Variants in GRM7 observed in about 807,000 individuals in gnomAD.
GRM7 encodes glutamate metabotropic receptor 7, also known as metabotropic glutamate receptor 7.
A neutral mutation model predicts 84.5 loss-of-function variants in GRM7; 35 were observed. That is an observed-to-expected ratio of 0.41 (90% confidence interval 0.32 to 0.55). The LOEUF (loss-of-function observed/expected upper bound fraction) is 0.55, where lower values mean the gene tolerates loss of function less well. GRM7 is among the 20% of genes least tolerant of loss of function. The pLI, the probability that GRM7 is intolerant of heterozygous loss-of-function variation, is 0.19. For missense variants in GRM7, 1,003 were observed against 1,194.6 expected (o/e 0.84, Z 2.36); for synonymous variants, 487 against 455.1 (o/e 1.07, Z -0.89).
intron 1 of GRM7, among the ~76,000 whole-genome samples, chr3:7,124,477 A>G (rs1472971341): frequency 6.6e-6 from 1 of 152,148 alleles, no homozygotes; most frequent in Non-Finnish European, 1.5e-5. Flanking sequence ...TTGCGCTCCA[A>G]CCTGGAGTGA....
In GRM7 at chr3:6,861,959, T is replaced by C; in HGVS notation, c.519+52T>C. On this transcript the variant is annotated intron_variant, in intron 1 of 9. Transcript: ENST00000357716. This position sits in a 1 kb window ranked among gnomAD's most constrained non-coding sequence, Gnocchi z 6.4. The stretch of plus-strand genomic sequence containing the variant: ...AGCACACAGTGGCTACCTGCGCCCT[T>C]AACCCTAAAAGCTGGCTTGGACTCC... 1 of 1,488,860 alleles carries C rather than the reference T, an allele frequency of 6.7e-7. No individual in the cohort carries two copies. The highest frequency in any genetic ancestry group is 9.2e-7 in the Non-Finnish European group (1 of 1,090,062). The allele number at this position is 1,488,860 out of a possible 1,614,324, so 92.2% of individuals were successfully genotyped here.
intron 1 of GRM7, among the ~76,000 whole-genome samples, chr3:6,938,655 C>G (rs146594574): frequency 2.0e-5 from 3 of 152,206 alleles, no homozygotes; most frequent in Middle Eastern, 3.4e-3. Flanking sequence ...AGGAGAGGGA[C>G]GTGTTAGCAG....
chr3:7,191,279 T>C (rs1051187263), intron 2 of GRM7, among the ~76,000 whole-genome samples: 3 of 152,066 alleles, frequency 2.0e-5, no homozygotes, highest in African/African-American at 7.2e-5. Context: ...TTGAAACCCA[T>C]TATGCATCTT....
At chr3:7,681,540 A>G (rs558649135) in intron 9 of GRM7, 1 of 152,368 alleles carries the variant, frequency 6.6e-6, no homozygotes, top group African/African-American at 2.4e-5. Flanking sequence ...TTAATTAACA[A>G]CATTGTGGGC....
rs560510082 is a variant in GRM7 at position 6,978,672 on chromosome 3, T to C, written c.519+116765T>C. ...TGATGGGAGTGAGTGGGGGAGATGATGACTTATCTACATTATTTCTACTAA... is the reference window on the plus strand; with the variant it reads ...TGATGGGAGTGAGTGGGGGAGATGACGACTTATCTACATTATTTCTACTAA... On this transcript the variant is annotated intron_variant, in intron 1 of 9. Coordinates refer to ENST00000357716, the MANE Select transcript of GRM7 (RefSeq NM_000844.4). Among the ~76,000 whole-genome samples, 9 of 152,266 alleles carry C rather than the reference T, an allele frequency of 5.9e-5. No homozygotes were observed. The South Asian group carries it at 1.9e-3, about 32-fold the overall frequency.
intron 2 of GRM7, among the ~76,000 whole-genome samples, chr3:7,170,274 T>C (rs1284484132): frequency 6.6e-6 from 1 of 152,180 alleles, no homozygotes; most frequent in Non-Finnish European, 1.5e-5. Flanking sequence ...GGGTGGTTCA[T>C]GGGCAAATCG....
At chr3:7,576,451 C>T (rs973455357) in intron 7 of GRM7, among the ~76,000 whole-genome samples, 7 of 152,174 alleles carry the variant, frequency 4.6e-5, no homozygotes, top group African/African-American at 1.4e-4. Context: ...AGTTTAACTC[C>T]TGAGCCATTT....
At chr3:7,537,847 A>G (rs1009856858) in intron 7 of GRM7, among the ~76,000 whole-genome samples, 2 of 152,216 alleles carry the variant, frequency 1.3e-5, no homozygotes, top group Non-Finnish European at 2.9e-5. Flanking sequence ...TAGGCCCACT[A>G]AATTGTAAGA....
chr3:7,624,402 A>C (rs1361095652), intron 8 of GRM7, among the ~76,000 whole-genome samples: 2 of 152,182 alleles, frequency 1.3e-5, no homozygotes, highest in African/African-American at 2.4e-5. Context: ...GAGAAACTCC[A>C]AAACTACAGG....
chr3:7,349,669 G>A (rs1004757146), intron 4 of GRM7, among the ~76,000 whole-genome samples: 12 of 152,216 alleles, frequency 7.9e-5, no homozygotes, highest in African/African-American at 2.6e-4. Flanking sequence ...ATTCTGGAAC[G>A]AGGTGTATTA....
chr3:7,722,382 T>C (rs1701981146), intron 9 of GRM7, among the ~76,000 whole-genome samples: 1 of 151,828 alleles, frequency 6.6e-6, no homozygotes. Flanking sequence ...GATGAGAAAA[T>C]CAAGGCATGA....
rs573082289 is a variant in GRM7 at position 6,942,014 on chromosome 3, A to G, written c.519+80107A>G. On this transcript the variant is annotated intron_variant, in intron 1 of 9. Transcript: ENST00000357716. ...TTGACTATTTAGTTGTTCAACATGC[A>G]AAACTTTCCAATAAAGGTTGTAATA... Among the ~76,000 whole-genome samples the G allele has an allele frequency of 4.6e-5, 7 of 152,348 alleles. No homozygotes were observed. In the East Asian group the frequency reaches 1.4e-3, roughly 29 times the overall value.
At chr3:7,453,285 T>C (rs1697855806) in intron 6 of GRM7, among the ~76,000 whole-genome samples, 1 of 152,122 alleles carries the variant, frequency 6.6e-6, no homozygotes, top group Non-Finnish European at 1.5e-5. Flanking sequence ...GACTGTCCTC[T>C]ACTTCAATTC....
intron 4 of GRM7, among the ~76,000 whole-genome samples, chr3:7,402,151 A>G (rs984708491): frequency 4.5e-4 from 68 of 152,242 alleles, no homozygotes; most frequent in African/African-American, 3.4e-4. Context: ...CTGAGTTTAC[A>G]TCTCTTCTAT....
intron 8 of GRM7, among the ~76,000 whole-genome samples, chr3:7,644,041 A>G (rs574130751): frequency 0.021 from 1,810 of 84,376 alleles, 42 homozygotes; most frequent in African/African-American, 0.074. Context: ...CACACCATAT[A>G]TAAAATATGT....
chr3:7,232,498 C>G (rs1326490412), intron 2 of GRM7, among the ~76,000 whole-genome samples: 1 of 152,058 alleles, frequency 6.6e-6, no homozygotes, highest in Non-Finnish European at 1.5e-5. Flanking sequence ...GCTGAAGTAT[C>G]AGATGATAGG....
rs1701166099 is a variant in GRM7 at position 7,534,476 on chromosome 3, C to G, written c.1516-43946C>G. 2.0e-5 allele frequency among the ~76,000 whole-genome samples: 3 copies of G among 152,170 alleles called. No homozygotes were observed. The South Asian group carries it at 6.2e-4, about 32-fold the overall frequency. ...GTAGGATCAGGATTTGAACGCATGT[C>G]TGGGTAATTCCATATCTTGTGTTTT... On this transcript the variant is annotated intron_variant, in intron 7 of 9. Transcript: ENST00000357716.
intron 2 of GRM7, among the ~76,000 whole-genome samples, chr3:7,240,124 T>TTTTTTG: frequency 1.5e-5 from 2 of 132,288 alleles, no homozygotes; most frequent in Non-Finnish European, 3.1e-5. Flanking sequence ...TGTGAGGTTT[T>TTTTTTG]TTTTTTTTTT....
At chr3:7,070,257 TG>T (rs2124982682) in intron 1 of GRM7, among the ~76,000 whole-genome samples, 1 of 152,130 alleles carries the variant, frequency 6.6e-6, no homozygotes, top group East Asian at 1.9e-4. Flanking sequence ...TTTAATGAAA[TG>T]GATAATTATC....
Sources: allele counts gnomAD v4.1 joint callset (sites outside exome capture counted in the v4.1 genomes callset), GRCh38; gene constraint gnomAD v4.1.1; non-coding constraint Gnocchi (gnomAD v3.1); transcripts MANE v1.5; gene names NCBI Gene and HGNC (gene_info 2026-07-23, HGNC 2026-07-21).